FAT3: variants seen among roughly 807,000 people sequenced by gnomAD.
FAT3 encodes the protein FAT atypical cadherin 3, also known as protocadherin Fat 3.
FAT3 carries 95 observed loss-of-function variants against 310.2 expected under a neutral mutation model. That is an observed-to-expected ratio of 0.31 (90% CI 0.26 to 0.36). FAT3 has a LOEUF of 0.36. FAT3 is among the 10% of genes least tolerant of loss of function. FAT3 has a pLI of 1.00. For synonymous variants in FAT3, 2,314 were observed against 2,192.9 expected, an observed-to-expected ratio of 1.06 and a Z score of -1.54; for missense variants, 5,408 against 5,715.6, an observed-to-expected ratio of 0.95 and a Z score of 1.74.
At chr11:92,580,987 T>G (rs944178395) in intron 3 of FAT3, among the ~76,000 whole-genome samples, 1 of 152,076 alleles carries the variant, frequency 6.6e-6, no homozygotes, top group Non-Finnish European at 1.5e-5. Flanking sequence ...AGATTCTTAT[T>G]TGTTTACACA....
At chr11:92,404,862 A>G (rs1565289952) in intron 2 of FAT3, among the ~76,000 whole-genome samples, 2 of 152,132 alleles carry the variant, frequency 1.3e-5, no homozygotes, top group South Asian at 4.2e-4. Context: ...GAGCTGGGAC[A>G]TCTATCTTCT....
At chr11:92,312,015 C>A (rs1947317012) in intron 1 of FAT3, among the ~76,000 whole-genome samples, 1 of 152,118 alleles carries the variant, frequency 6.6e-6, no homozygotes, top group African/African-American at 2.4e-5. Context: ...AATACTTCGC[C>A]TTCATAATCA....
At chr11:92,823,803 T>G (rs867785918) in intron 13 of FAT3, among the ~76,000 whole-genome samples, 2 of 152,206 alleles carry the variant, frequency 1.3e-5, no homozygotes, top group Non-Finnish European at 2.9e-5. Context: ...TGAAGAACTT[T>G]TAAAAGGCAC....
chr11:92,319,586 CAA>C (rs1947555270), intron 1 of FAT3, among the ~76,000 whole-genome samples: 1 of 152,104 alleles, frequency 6.6e-6, no homozygotes, highest in South Asian at 2.1e-4. Context: ...ATGTCCTGTG[CAA>C]AGTGTTGCTG....
chr11:92,778,043 G>T (rs927732991), intron 7 of FAT3, among the ~76,000 whole-genome samples: 3 of 151,986 alleles, frequency 2.0e-5, no homozygotes, highest in African/African-American at 7.2e-5. Flanking sequence ...CTTTAGTGAG[G>T]ACTATTCTGG....
At chr11:92,697,135 T>C (rs950277648) in intron 3 of FAT3, among the ~76,000 whole-genome samples, 5 of 152,188 alleles carry the variant, frequency 3.3e-5, no homozygotes, top group African/African-American at 9.7e-5. Flanking sequence ...TTTTTAGTGA[T>C]TTTTTACATC....
Position 92,831,735 on chromosome 11 carries a change from T to G in FAT3, c.9595T>G (p.Ser3199Ala). ...GCAGCCACTGGACCGTGAGCAGCAG[T>G]CTTCGTACAACATCAGCGTGCGGGC... ...LEQPLDREQQ[S>A]SYNISVRATD... Residue 3199 changes from serine to alanine, a missense_variant, in exon 14 of 28, where the codon TCT becomes GCT. Coordinates refer to ENST00000525166, the MANE Select transcript of FAT3 (RefSeq NM_001367949.2). 6.2e-7 allele frequency: 1 copy of G among 1,613,610 alleles called. No individual in the cohort carries two copies. Among genetic ancestry groups the G allele is most frequent in the Non-Finnish European group, 8.5e-7 (1 of 1,179,774 alleles).
At chr11:92,499,280 G>C (rs1480987462) in intron 2 of FAT3, among the ~76,000 whole-genome samples, 1 of 152,068 alleles carries the variant, frequency 6.6e-6, no homozygotes, top group Non-Finnish European at 1.5e-5. Flanking sequence ...GACAGGAAAG[G>C]AATTGGGAAA....
At position 92,295,610 on chromosome 11, in the gene FAT3, C is replaced by T. The variant is rs188986354; in HGVS notation, c.-17-56486C>T. 2.0e-4 allele frequency among the ~76,000 whole-genome samples: 31 copies of T among 152,034 alleles called. No homozygotes were observed. In the East Asian group the frequency reaches 2.9e-3, roughly 14 times the overall value. On this transcript the variant is annotated intron_variant, in intron 1 of 27. Transcript: ENST00000525166. Reference sequence around the variant, plus strand: ...TTAGTCTTCTAGAAATTTTTTTCTCCGTGGCTTTTCCTCTCTTTTCTCCCA... The same window carrying T: ...TTAGTCTTCTAGAAATTTTTTTCTCTGTGGCTTTTCCTCTCTTTTCTCCCA...
chr11:92,882,405 A>G (rs900241558), intron 23 of FAT3, among the ~76,000 whole-genome samples: 1 of 152,170 alleles, frequency 6.6e-6, no homozygotes, highest in African/African-American at 2.4e-5. Flanking sequence ...GTACCTTTTC[A>G]ATAGCATCTG....
intron 2 of FAT3, among the ~76,000 whole-genome samples, chr11:92,398,495 C>T (rs549498468): frequency 4.5e-5 from 6 of 132,122 alleles, no homozygotes; most frequent in African/African-American, 8.7e-5. Flanking sequence ...AGTGTAACTC[C>T]GTCCCAAAAA....
At chr11:92,458,888 T>TGTA (rs1035287013) in intron 2 of FAT3, among the ~76,000 whole-genome samples, 17 of 152,316 alleles carry the variant, frequency 1.1e-4, no homozygotes, top group African/African-American at 3.4e-4. Flanking sequence ...TCAGCAGAAT[T>TGTA]CACTAACCAG....
At chr11:92,245,644 C>CAA (rs1172996516) in intron 1 of FAT3, among the ~76,000 whole-genome samples, 23 of 152,088 alleles carry the variant, frequency 1.5e-4, no homozygotes, top group Non-Finnish European at 2.9e-4. Flanking sequence ...CTTTGTGGGC[C>CAA]ACACTGTGTC....
intron 4 of FAT3, chr11:92,749,105 T>C (rs544703965): frequency 2.6e-5 from 4 of 152,312 alleles, no homozygotes; most frequent in Non-Finnish European, 5.9e-5. Context: ...TCAACCTTTT[T>C]ACTATCTTGA....
chr11:92,356,119 C>A (rs1479657621), intron 2 of FAT3, among the ~76,000 whole-genome samples: 1 of 152,106 alleles, frequency 6.6e-6, no homozygotes, highest in African/African-American at 2.4e-5. Flanking sequence ...TTAAATTATT[C>A]ATTCATAGAT....
At chr11:92,322,771 G>A (rs971437440) in intron 1 of FAT3, among the ~76,000 whole-genome samples, 1 of 152,154 alleles carries the variant, frequency 6.6e-6, no homozygotes, top group Non-Finnish European at 1.5e-5. Context: ...CAGCAACTCA[G>A]TTACATCTTC....
At chr11:92,304,876 G>A (rs1399465683) in intron 1 of FAT3, among the ~76,000 whole-genome samples, 1 of 152,010 alleles carries the variant, frequency 6.6e-6, no homozygotes, top group Non-Finnish European at 1.5e-5. Flanking sequence ...CATCATGCTG[G>A]GTGAGGATGA....
chr11:92,346,380 C>T (rs912512741), intron 1 of FAT3, among the ~76,000 whole-genome samples: 15 of 152,056 alleles, frequency 9.9e-5, no homozygotes, highest in African/African-American at 3.1e-4. Context: ...AGTGCACACA[C>T]GGGAATTGGA....
chr11:92,329,593 T>A (rs1947854973), intron 1 of FAT3, among the ~76,000 whole-genome samples: 1 of 151,320 alleles, frequency 6.6e-6, no homozygotes, highest in African/African-American at 2.4e-5. Flanking sequence ...TCACGTGGAA[T>A]ATGTACATCT....
Sources: allele counts gnomAD v4.1 joint callset (sites outside exome capture counted in the v4.1 genomes callset), GRCh38; gene constraint gnomAD v4.1.1; transcripts MANE v1.5; gene names NCBI Gene and HGNC (gene_info 2026-07-23, HGNC 2026-07-21).